Variants in SHANK2 observed in about 807,000 individuals in gnomAD.
SHANK2 encodes SH3 and multiple ankyrin repeat domains protein 2.
A neutral mutation model predicts 133.7 loss-of-function variants in SHANK2; 43 were observed. The observed-to-expected ratio is 0.32, with a 90% confidence interval of 0.25 to 0.41. The LOEUF is 0.41. Ranked by LOEUF, SHANK2 falls within the 10% of genes least tolerant of loss-of-function variation. The pLI is 1.00. For missense variants in SHANK2, 1,994 were observed against 2,235.8 expected (o/e 0.89, Z 2.18); for synonymous variants, 1,017 against 952.8 (o/e 1.07, Z -1.24).
chr11:70,875,685 G>A (rs143532321), intron 11 of SHANK2, among the ~76,000 whole-genome samples: 70 of 152,046 alleles, frequency 4.6e-4, no homozygotes, highest in African/African-American at 1.6e-3. Flanking sequence ...TGAAAGCCCC[G>A]TCTCTACAAA....
chr11:70,826,998 A>T (rs1948652105), intron 11 of SHANK2, among the ~76,000 whole-genome samples: 1 of 152,204 alleles, frequency 6.6e-6, no homozygotes, highest in Non-Finnish European at 1.5e-5. Flanking sequence ...TTTTAAAAAA[A>T]AATTTTTTTA....
chr11:71,083,356 T>C (rs1951326941), intron 8 of SHANK2, among the ~76,000 whole-genome samples: 1 of 152,188 alleles, frequency 6.6e-6, no homozygotes. Context: ...GGGACATTTA[T>C]TAAGCACCTG....
chr11:70,933,280 T>A, intron 10 of SHANK2: 1 of 455,170 alleles, frequency 2.2e-6, no homozygotes, highest in Non-Finnish European at 4.4e-6. Flanking sequence ...AGATGAATAC[T>A]GTAGGATTAA....
intron 14 of SHANK2, among the ~76,000 whole-genome samples, chr11:70,765,069 G>C (rs1488390398): frequency 6.6e-6 from 1 of 152,224 alleles, no homozygotes; most frequent in African/African-American, 2.4e-5. Context: ...GGAGAGAAGT[G>C]TCAGGGCAGG....
chr11:70,568,738 G>A (rs1449104940), intron 17 of SHANK2, among the ~76,000 whole-genome samples: 1 of 149,768 alleles, frequency 6.7e-6, no homozygotes, highest in African/African-American at 2.4e-5. Context: ...GGCATGGTCC[G>A]TCTGGAAGAA....
At chr11:70,821,142 C>T (rs1342532669) in intron 11 of SHANK2, among the ~76,000 whole-genome samples, 2 of 152,142 alleles carry the variant, frequency 1.3e-5, no homozygotes, top group Non-Finnish European at 2.9e-5. Flanking sequence ...CGTCCTAAAC[C>T]CCAGTTTTCA....
intron 11 of SHANK2, among the ~76,000 whole-genome samples, chr11:70,887,024 C>T (rs1449007979): frequency 6.6e-6 from 1 of 152,156 alleles, no homozygotes; most frequent in African/African-American, 2.4e-5. Flanking sequence ...CAGTGCATCT[C>T]CCCACAAAGC....
chr11:70,916,424 T>C (rs1950269990), intron 10 of SHANK2, among the ~76,000 whole-genome samples: 1 of 152,102 alleles, frequency 6.6e-6, no homozygotes, highest in African/African-American at 2.4e-5. Flanking sequence ...AGAAAGCTCT[T>C]GGCACTTCTG....
chr11:70,658,209 A>C (rs2515785), intron 17 of SHANK2, among the ~76,000 whole-genome samples: 2 of 23,516 alleles, frequency 8.5e-5, no homozygotes, highest in Non-Finnish European at 9.5e-5. Flanking sequence ...CGCCCCCCCA[A>C]CACACACACA....
chr11:71,208,120 C>T (rs1954167245), intron 2 of SHANK2, among the ~76,000 whole-genome samples: 1 of 152,170 alleles, frequency 6.6e-6, no homozygotes, highest in Non-Finnish European at 1.5e-5. Context: ...CGTCCCTGTA[C>T]TTAAACCCGA....
At chr11:70,675,289 G>C (rs1346108632) in intron 15 of SHANK2, among the ~76,000 whole-genome samples, 2 of 152,182 alleles carry the variant, frequency 1.3e-5, no homozygotes, top group African/African-American at 4.8e-5. Flanking sequence ...CGGCCTTTGA[G>C]CACCTTCCAC....
intron 10 of SHANK2, among the ~76,000 whole-genome samples, chr11:70,922,541 C>T (rs1950366362): frequency 6.6e-6 from 1 of 151,978 alleles, no homozygotes; most frequent in Admixed American, 6.6e-5. Flanking sequence ...AGCAGTCTTT[C>T]AAAAGAAACT....
At chr11:71,167,983 C>T (rs797040133) in intron 2 of SHANK2, among the ~76,000 whole-genome samples, 2,687 of 91,612 alleles carry the variant, frequency 0.029, 98 homozygotes, top group Middle Eastern at 0.088. Flanking sequence ...TCCTCACTTC[C>T]CAGACGGGGT....
intron 14 of SHANK2, among the ~76,000 whole-genome samples, chr11:70,756,122 G>A (rs1441501752): frequency 6.6e-6 from 1 of 152,138 alleles, no homozygotes; most frequent in African/African-American, 2.4e-5. Context: ...CCCCGTGCGA[G>A]CAGGTGCAGG....
intron 14 of SHANK2, among the ~76,000 whole-genome samples, chr11:70,704,109 T>C (rs1189540435): frequency 6.6e-6 from 1 of 152,112 alleles, no homozygotes; most frequent in African/African-American, 2.4e-5. Context: ...ATGTGCAGGA[T>C]GGCACAGGGC....
intron 14 of SHANK2, among the ~76,000 whole-genome samples, chr11:70,744,602 T>C (rs958864464): frequency 5.9e-5 from 9 of 152,194 alleles, no homozygotes; most frequent in Non-Finnish European, 1.0e-4. Context: ...GGTCCTGGCA[T>C]CTCTCTGTGC....
Position 71,085,665 on chromosome 11 carries a change from T to TATA in SHANK2, c.912+6754_912+6756dup, listed in dbSNP as rs1314963980. 9.3e-3 allele frequency among the ~76,000 whole-genome samples: 174 copies of TATA among 18,646 alleles called. 2 individuals are homozygous for TATA. The highest frequency in any genetic ancestry group is 0.018 in the African/African-American group (168 of 9,406). The allele number at this position is 18,646 out of a possible 152,430, so 12.2% of individuals were successfully genotyped here. On this transcript the variant is annotated intron_variant, in intron 8 of 25. Coordinates refer to ENST00000601538, the MANE Select transcript of SHANK2 (RefSeq NM_012309.5). ...ATATATTATGTTATATATTATATTA[T>TATA]ATATGTTATATATATAATATAATAT...
At chr11:71,139,409 G>A (rs565797715) in intron 3 of SHANK2, among the ~76,000 whole-genome samples, 1 of 152,048 alleles carries the variant, frequency 6.6e-6, no homozygotes, top group South Asian at 2.1e-4. Context: ...GTTAAATGAT[G>A]AGTTAATGGG....
At chr11:70,948,091 T>G (rs1555085780) in intron 10 of SHANK2, among the ~76,000 whole-genome samples, 1 of 151,676 alleles carries the variant, frequency 6.6e-6, no homozygotes, top group Non-Finnish European at 1.5e-5. Flanking sequence ...TGCCTTTCCC[T>G]CTGACATCCT....
Sources: allele counts gnomAD v4.1 joint callset (sites outside exome capture counted in the v4.1 genomes callset), GRCh38; gene constraint gnomAD v4.1.1; transcripts MANE v1.5; gene names NCBI Gene and HGNC (gene_info 2026-07-23, HGNC 2026-07-21).